Variants in FRMD4A observed in about 807,000 individuals in gnomAD.
FRMD4A encodes the protein FERM domain containing 4A.
FRMD4A carries 29 observed loss-of-function variants against 129.1 expected under a neutral mutation model. The ratio of observed to expected loss-of-function variants is 0.22; its 90% confidence interval spans 0.17 to 0.31. FRMD4A has a LOEUF of 0.31. Ranked by LOEUF, FRMD4A falls within the 10% of genes least tolerant of loss-of-function variation. FRMD4A has a pLI of 1.00. For missense variants in FRMD4A, 1,272 were observed against 1,375.8 expected (o/e 0.92, Z 1.19); for synonymous variants, 634 against 571.6 (o/e 1.11, Z -1.56).
intron 21 of FRMD4A, among the ~76,000 whole-genome samples, chr10:13,657,787 G>GTTTTTTTTTTTTTTTTTTTTTTTTTTTT (rs1204181870): frequency 9.0e-6 from 1 of 110,960 alleles, no homozygotes. Flanking sequence ...TCGATTTCTG[G>GTTTTTTTTTTTTTTTTTTTTTTTTTTTT]GTTTTTTTTT....
At chr10:13,741,042 G>C (rs2090971715) in intron 9 of FRMD4A, among the ~76,000 whole-genome samples, 1 of 152,066 alleles carries the variant, frequency 6.6e-6, no homozygotes. Flanking sequence ...GGCCAGGCTG[G>C]TCTCAAACTC....
At chr10:13,787,751 CT>C (rs368308653) in intron 5 of FRMD4A, among the ~76,000 whole-genome samples, 271 of 140,488 alleles carry the variant, frequency 1.9e-3, no homozygotes, top group Middle Eastern at 0.015. Context: ...GCCTCTTCTT[CT>C]TTTTTTTTTT....
chr10:13,867,693 TATAATATATAATAAATAACATATA>T (rs2094386754), intron 2 of FRMD4A, among the ~76,000 whole-genome samples: 3 of 4,432 alleles, frequency 6.8e-4, no homozygotes, highest in African/African-American at 6.2e-4. Context: ...ATATATATAA[TATAATATATAATAAATAACATATA>T]ATATAATATA....
At chr10:13,730,375 A>ACT (rs1467408272) in intron 12 of FRMD4A, among the ~76,000 whole-genome samples, 2 of 151,950 alleles carry the variant, frequency 1.3e-5, no homozygotes, top group African/African-American at 4.8e-5. Flanking sequence ...AAGAGGTAAA[A>ACT]CTCTTGCTTG....
chr10:14,297,860 A>G (rs1253030261), intron 2 of FRMD4A, among the ~76,000 whole-genome samples: 3 of 152,178 alleles, frequency 2.0e-5, no homozygotes, highest in African/African-American at 7.2e-5. Flanking sequence ...GAATGGCGAT[A>G]TGAAGTGGTT....
At chr10:14,202,345 T>A (rs1297772574) in intron 2 of FRMD4A, among the ~76,000 whole-genome samples, 1 of 152,210 alleles carries the variant, frequency 6.6e-6, no homozygotes, top group Non-Finnish European at 1.5e-5. Flanking sequence ...AGGGTCTGAA[T>A]AGGAATAGTG....
At chr10:13,688,224 A>T (rs1482447498) in intron 15 of FRMD4A, among the ~76,000 whole-genome samples, 1 of 152,200 alleles carries the variant, frequency 6.6e-6, no homozygotes, top group Non-Finnish European at 1.5e-5. Context: ...ATAAAAAATG[A>T]TGAGTTCATG....
chr10:14,141,844 C>T (rs1418365902), intron 2 of FRMD4A, among the ~76,000 whole-genome samples: 1 of 152,178 alleles, frequency 6.6e-6, no homozygotes, highest in East Asian at 1.9e-4. Flanking sequence ...TGTGTCTGTG[C>T]ATGTGTGTTT....
At position 13,657,276 on chromosome 10, in the gene FRMD4A, C is replaced by T. The variant is rs760194755; in HGVS notation, c.2313G>A (p.Leu771=). The change falls in exon 22 of 25, where the codon CTG becomes CTA. Residue 771 remains leucine, a synonymous_variant. Coordinates refer to ENST00000357447, the MANE Select transcript of FRMD4A (RefSeq NM_018027.5). ...GCGCCTTGGACGGCGAGTCCTCGGC[C>T]AGCGTGGAGTAGTTGGCGTTCATCT... ...PAQMNANYST[L]AEDSPSKARQ... The T allele has an allele frequency of 3.6e-5, 57 of 1,605,396 alleles. No homozygotes were observed. Among genetic ancestry groups the T allele is most frequent in the Non-Finnish European group, 4.8e-5 (57 of 1,178,220 alleles).
chr10:13,963,901 CCT>C (rs748659207), intron 2 of FRMD4A, among the ~76,000 whole-genome samples: 32 of 152,264 alleles, frequency 2.1e-4, no homozygotes, highest in Admixed American at 1.9e-3. Flanking sequence ...AAAGGACTCT[CCT>C]CAAATTCCTA....
intron 2 of FRMD4A, among the ~76,000 whole-genome samples, chr10:14,251,706 G>A (rs535071935): frequency 2.2e-4 from 33 of 152,270 alleles, no homozygotes; most frequent in Non-Finnish European, 4.3e-4. Flanking sequence ...AGTGGCTCAG[G>A]GTTTACGTGG....
In FRMD4A at chr10:14,010,348, T is replaced by A. The variant is rs544748839; in HGVS notation, c.46-151436A>T. On this transcript the variant is annotated intron_variant, in intron 2 of 24. Coordinates refer to ENST00000357447, the MANE Select transcript of FRMD4A (RefSeq NM_018027.5). ...GCAAATAAAACAAAAACACATGCAT[T>A]TGATTAAGGTTAAAATACATATAGA... 2.6e-4 allele frequency among the ~76,000 whole-genome samples: 39 copies of A among 152,272 alleles called. 1 individual carries two copies. In the South Asian group the frequency reaches 3.1e-3, roughly 12 times the overall value.
intron 6 of FRMD4A, among the ~76,000 whole-genome samples, chr10:13,768,964 A>C (rs1474340766): frequency 1.3e-5 from 2 of 149,266 alleles, no homozygotes; most frequent in African/African-American, 4.9e-5. Context: ...ATGTCTTAGC[A>C]TTTATAGGAA....
chr10:14,151,605 A>G (rs370546102), intron 2 of FRMD4A, among the ~76,000 whole-genome samples: 1 of 152,246 alleles, frequency 6.6e-6, no homozygotes, highest in African/African-American at 2.4e-5. Context: ...CACATGTAAT[A>G]CCCATGTGAT....
At chr10:14,196,598 T>C (rs1842478916) in intron 2 of FRMD4A, among the ~76,000 whole-genome samples, 3 of 152,234 alleles carry the variant, frequency 2.0e-5, no homozygotes, top group African/African-American at 7.2e-5. Context: ...TTCTACATAA[T>C]TCCTAGATAT....
intron 2 of FRMD4A, among the ~76,000 whole-genome samples, chr10:14,318,324 C>CA (rs111253245): frequency 0.016 from 2,350 of 149,956 alleles, 40 homozygotes; most frequent in African/African-American, 0.026. Context: ...TATATCCCCC[C>CA]CCACCTTTTT....
intron 2 of FRMD4A, among the ~76,000 whole-genome samples, chr10:13,999,106 GC>G (rs1266351123): frequency 6.6e-6 from 1 of 152,020 alleles, no homozygotes; most frequent in Non-Finnish European, 1.5e-5. Context: ...TACTTGCTGT[GC>G]CCTCTGTGTG....
At chr10:13,692,870 CTTTTT>C in intron 15 of FRMD4A, 2 of 151,762 alleles carry the variant, frequency 1.3e-5, no homozygotes, top group African/African-American at 4.8e-5. Context: ...TTCCACTTTT[CTTTTT>C]TTGTTTTTTG....
chr10:13,993,634 T>C (rs189847744), intron 2 of FRMD4A, among the ~76,000 whole-genome samples: 1 of 152,284 alleles, frequency 6.6e-6, no homozygotes, highest in Admixed American at 6.5e-5. Flanking sequence ...AACAAAAAAA[T>C]GTTGCTGATG....
Sources: allele counts gnomAD v4.1 joint callset (sites outside exome capture counted in the v4.1 genomes callset), GRCh38; gene constraint gnomAD v4.1.1; transcripts MANE v1.5; gene names NCBI Gene and HGNC (gene_info 2026-07-23, HGNC 2026-07-21).